Variants in CSGALNACT1 observed in about 807,000 individuals in gnomAD.
CSGALNACT1 encodes beta4GalNAcT-1.
Under a neutral mutation model 51.0 loss-of-function variants are expected in CSGALNACT1, and 52 were observed. That is an observed-to-expected ratio of 1.02 (90% CI 0.82 to 1.29). CSGALNACT1 has a LOEUF of 1.29. CSGALNACT1 is among the 50% of genes most tolerant of loss of function. CSGALNACT1 has a pLI of 0.00. For synonymous variants in CSGALNACT1, 341 were observed against 254.4 expected (o/e 1.34, Z -3.24); for missense variants, 935 against 679.2 (o/e 1.38, Z -4.19).
At chr8:19,566,360 C>T (rs1230283486) in intron 3 of CSGALNACT1, among the ~76,000 whole-genome samples, 2 of 151,994 alleles carry the variant, frequency 1.3e-5, no homozygotes, top group African/African-American at 2.4e-5. Context: ...GAAGCGTGGC[C>T]CTGCTGACAA....
intron 2 of CSGALNACT1, among the ~76,000 whole-genome samples, chr8:19,592,115 C>T (rs7841402): frequency 0.83 from 126,356 of 152,176 alleles, 52,591 homozygotes; most frequent in East Asian, 1. Flanking sequence ...GACAAAGAAA[C>T]GCTATGAAAA....
chr8:19,683,283 T>G (rs1450175627), upstream of CSGALNACT1: 1 of 152,240 alleles, frequency 6.6e-6, no homozygotes, highest in Non-Finnish European at 1.5e-5. Flanking sequence ...AGCCTGCCTA[T>G]AGCCACATGA....
intron 4 of CSGALNACT1, among the ~76,000 whole-genome samples, chr8:19,468,200 T>A (rs1185374540): frequency 2.0e-5 from 3 of 152,074 alleles, no homozygotes; most frequent in African/African-American, 4.8e-5. Context: ...AACTGAAGAC[T>A]GAGCATGTGT....
At chr8:19,442,734 A>T (rs147041971) in intron 5 of CSGALNACT1, among the ~76,000 whole-genome samples, 1 of 147,684 alleles carries the variant, frequency 6.8e-6, no homozygotes, top group South Asian at 2.2e-4. Flanking sequence ...AAAAAAGACT[A>T]TGAAGTACGA....
chr8:19,529,845 C>A (rs1401220225), intron 3 of CSGALNACT1, among the ~76,000 whole-genome samples: 3 of 152,132 alleles, frequency 2.0e-5, no homozygotes, highest in African/African-American at 7.2e-5. Flanking sequence ...TTATAATAAC[C>A]TAACACAATG....
At chr8:19,740,569 T>C (rs974555066) in intron 1 of CSGALNACT1, among the ~76,000 whole-genome samples, 1 of 152,212 alleles carries the variant, frequency 6.6e-6, no homozygotes, top group Non-Finnish European at 1.5e-5. Context: ...ATTTGAAAAA[T>C]TCCACTGGGG....
At chr8:19,431,545 T>C (rs1481006107) in intron 6 of CSGALNACT1, among the ~76,000 whole-genome samples, 1 of 152,076 alleles carries the variant, frequency 6.6e-6, no homozygotes, top group Non-Finnish European at 1.5e-5. Context: ...TCTTTTTTTT[T>C]ATGTTGTTGG....
Position 19,479,153 on chromosome 8 carries a change from C to T in CSGALNACT1, c.635-20511G>A, listed in dbSNP as rs185473498. Among the ~76,000 whole-genome samples, 27 of 152,348 alleles carry T rather than the reference C, an allele frequency of 1.8e-4. No individual in the cohort carries two copies. In the East Asian group the frequency reaches 5.2e-3, roughly 29 times the overall value. ...AAATAGGAGAAAATACAATTCAGAG[C>T]AGGGAGCCATCTGCGTAACTTGTGG... On this transcript the variant is annotated intron_variant, in intron 4 of 9. Coordinates refer to ENST00000454498, the Ensembl canonical transcript of CSGALNACT1.
At chr8:19,725,038 C>T (rs1330576568) in intron 1 of CSGALNACT1, among the ~76,000 whole-genome samples, 2 of 152,230 alleles carry the variant, frequency 1.3e-5, no homozygotes, top group African/African-American at 4.8e-5. Context: ...TCCAACCTTG[C>T]TCCTGCCCAT....
In CSGALNACT1 at chr8:19,624,465, AGT is replaced by A; in HGVS notation, c.-543-22602_-543-22601del. Among the ~76,000 whole-genome samples, 3 of 152,346 alleles carry A rather than the reference AGT, an allele frequency of 2.0e-5. No homozygotes were observed. In the South Asian group the frequency reaches 6.2e-4, roughly 32 times the overall value. On this transcript the variant is annotated intron_variant, in intron 1 of 9. Transcript: ENST00000332246. ...AGATAATATTCAAAAGATAATTTTA[AGT>A]GTTTAAAAATAGCCAACACAGTATA...
rs999731173 is a variant in CSGALNACT1 at position 19,619,254 on chromosome 8, G to A, written c.-543-17389C>T. ...AGAGCATTCTAGACAGGGTCGGGGG[G>A]GGGTGGGCCTTGAAAAAAAGCACAG... On this transcript the variant is annotated intron_variant, in intron 1 of 9. Transcript: ENST00000332246. 8.8e-5 allele frequency among the ~76,000 whole-genome samples: 13 copies of A among 147,532 alleles called. No individual in the cohort carries two copies. In the East Asian group the frequency reaches 1.6e-3, roughly 19 times the overall value.
At chr8:19,502,385 C>A (rs2076570678) in intron 4 of CSGALNACT1, among the ~76,000 whole-genome samples, 1 of 152,218 alleles carries the variant, frequency 6.6e-6, no homozygotes, top group Non-Finnish European at 1.5e-5. Context: ...GGGTCTTAGT[C>A]AAAATCATAC....
chr8:19,425,043 C>T (rs1385145900), intron 6 of CSGALNACT1, among the ~76,000 whole-genome samples: 9 of 152,214 alleles, frequency 5.9e-5, no homozygotes, highest in African/African-American at 2.2e-4. Context: ...AGAACTGAGT[C>T]ACCAAGACTG....
At chr8:19,409,488 T>C (rs1271110945) in intron 8 of CSGALNACT1, among the ~76,000 whole-genome samples, 3 of 57,066 alleles carry the variant, frequency 5.3e-5, no homozygotes, top group Non-Finnish European at 4.4e-5. Context: ...CATGTGTACA[T>C]ATATATATAT....
intron 1 of CSGALNACT1, among the ~76,000 whole-genome samples, chr8:19,694,549 G>A (rs1468291419): frequency 1.3e-5 from 2 of 152,206 alleles, no homozygotes; most frequent in Non-Finnish European, 2.9e-5. Flanking sequence ...AAACGCCATG[G>A]CTTTCCTAAG....
At chr8:19,409,774 C>T (rs1258543809) in intron 8 of CSGALNACT1, among the ~76,000 whole-genome samples, 1 of 152,094 alleles carries the variant, frequency 6.6e-6, no homozygotes, top group African/African-American at 2.4e-5. Context: ...AGAAACGGTA[C>T]ATGAGAGGGG....
chr8:19,689,536 A>G (rs2061170616), intron 1 of CSGALNACT1, among the ~76,000 whole-genome samples: 1 of 152,232 alleles, frequency 6.6e-6, no homozygotes, highest in Non-Finnish European at 1.5e-5. Flanking sequence ...ACACAGCAAT[A>G]AATAACTGAT....
At chr8:19,517,454 G>A (rs1404760782) in intron 3 of CSGALNACT1, among the ~76,000 whole-genome samples, 2 of 152,028 alleles carry the variant, frequency 1.3e-5, no homozygotes, top group African/African-American at 2.4e-5. Flanking sequence ...AAAAAGAAAA[G>A]AAGAAAAAGA....
intron 3 of CSGALNACT1, among the ~76,000 whole-genome samples, chr8:19,563,220 T>C (rs1295120671): frequency 6.6e-6 from 1 of 152,104 alleles, no homozygotes; most frequent in African/African-American, 2.4e-5. Flanking sequence ...AAGTGGGAGT[T>C]GAACAATGAG....
Sources: gnomAD v4.1 joint callset for allele counts (sites outside exome capture counted in the v4.1 genomes callset) on GRCh38, gnomAD v4.1.1 for gene constraint, MANE v1.5 for transcripts, NCBI Gene and HGNC (gene_info 2026-07-23, HGNC 2026-07-21) for gene names.